The following PRKCB variants were observed in gnomAD, a reference collection of about 807,000 sequenced individuals.
The protein encoded by PRKCB is protein kinase C beta type.
A neutral mutation model predicts 81.5 loss-of-function variants in PRKCB; 13 were observed. The ratio of observed to expected loss-of-function variants is 0.16; its 90% confidence interval spans 0.10 to 0.25. The LOEUF (loss-of-function observed/expected upper bound fraction) is 0.25. Among genes scored for constraint, PRKCB ranks in the 10% least tolerant of loss-of-function variants. The pLI, the probability that PRKCB is intolerant of heterozygous loss-of-function variation, is 1.00. For missense variants in PRKCB, 509 were observed against 875.7 expected, an observed-to-expected ratio of 0.58 and a Z score of 5.29; for synonymous variants, 335 against 321.4, an observed-to-expected ratio of 1.04 and a Z score of -0.45.
intron 2 of PRKCB, among the ~76,000 whole-genome samples, chr16:23,916,475 A>C (rs190139625): frequency 6.6e-6 from 1 of 152,298 alleles, no homozygotes; most frequent in African/African-American, 2.4e-5. Context: ...TCACTGGTTC[A>C]AAATTAAAAA....
intron 5 of PRKCB, among the ~76,000 whole-genome samples, chr16:24,080,601 C>T (rs1424998296): frequency 6.6e-6 from 1 of 151,988 alleles, no homozygotes; most frequent in Non-Finnish European, 1.5e-5. Context: ...AACCAGTGGA[C>T]AGTTGTACAT....
intron 5 of PRKCB, among the ~76,000 whole-genome samples, chr16:24,050,260 T>C (rs1395505440): frequency 2.0e-5 from 3 of 152,104 alleles, no homozygotes; most frequent in Non-Finnish European, 4.4e-5. Context: ...CTCAAACACA[T>C]GATAGGGCCG....
chr16:24,206,899 CA>C (rs1389175713), intron 16 of PRKCB, among the ~76,000 whole-genome samples: 1 of 152,224 alleles, frequency 6.6e-6, no homozygotes, highest in Admixed American at 6.5e-5. Context: ...CACCAAAATA[CA>C]CGTCAAAGCA....
chr16:24,190,237 C>T (rs1967769486), intron 15 of PRKCB, among the ~76,000 whole-genome samples: 1 of 152,170 alleles, frequency 6.6e-6, no homozygotes, highest in Non-Finnish European at 1.5e-5. Context: ...AAAGTAATTA[C>T]TTGAAACTTG....
chr16:23,992,997 C>A (rs1168167189), intron 3 of PRKCB, among the ~76,000 whole-genome samples: 1 of 152,100 alleles, frequency 6.6e-6, no homozygotes, highest in Non-Finnish European at 1.5e-5. Context: ...AGGGAACTAA[C>A]CCTGCATTGC....
intron 2 of PRKCB, among the ~76,000 whole-genome samples, chr16:23,902,686 T>C (rs1336564857): frequency 4.0e-5 from 6 of 151,126 alleles, no homozygotes; most frequent in African/African-American, 1.2e-4. Flanking sequence ...TTGATGATAA[T>C]GCGTTCAGGA....
intron 2 of PRKCB, among the ~76,000 whole-genome samples, chr16:23,933,945 AT>A (rs1964020279): frequency 8.3e-6 from 1 of 120,886 alleles, no homozygotes; most frequent in Admixed American, 9.1e-5. Flanking sequence ...CCATCCATCC[AT>A]CCATCCACCT....
chr16:24,209,802 C>T (rs777837412), intron 16 of PRKCB, among the ~76,000 whole-genome samples: 1 of 152,050 alleles, frequency 6.6e-6, no homozygotes, highest in Non-Finnish European at 1.5e-5. Context: ...CACCAGTGAT[C>T]CTGTTTAAAT....
chr16:24,159,938 T>C (rs542896661), intron 10 of PRKCB, among the ~76,000 whole-genome samples: 1 of 152,188 alleles, frequency 6.6e-6, no homozygotes, highest in South Asian at 2.1e-4. Flanking sequence ...TGAGCCATGA[T>C]TGCATCACTG....
intron 15 of PRKCB, among the ~76,000 whole-genome samples, chr16:24,187,985 G>A (rs983541036): frequency 6.6e-6 from 1 of 152,202 alleles, no homozygotes; most frequent in Non-Finnish European, 1.5e-5. Flanking sequence ...CATGATGTGG[G>A]CACATAGTAG....
At chr16:24,147,300 C>T (rs1367522222) in intron 9 of PRKCB, among the ~76,000 whole-genome samples, 2 of 130,248 alleles carry the variant, frequency 1.5e-5, no homozygotes, top group African/African-American at 3.1e-5. Flanking sequence ...AGAGGAGACT[C>T]TGTCTCAAAA....
chr16:24,044,744 T>C (rs1199113203), intron 5 of PRKCB, among the ~76,000 whole-genome samples: 4 of 152,366 alleles, frequency 2.6e-5, no homozygotes, highest in Middle Eastern at 3.4e-3. Flanking sequence ...TGACAAAGCT[T>C]GTACAATCTG....
intron 5 of PRKCB, among the ~76,000 whole-genome samples, chr16:24,067,583 A>G (rs1966052764): frequency 6.6e-6 from 1 of 152,142 alleles, no homozygotes; most frequent in African/African-American, 2.4e-5. Flanking sequence ...ACAGGCATGC[A>G]TCACCACGCC....
chr16:23,969,676 A>G (rs1285791872), intron 2 of PRKCB, among the ~76,000 whole-genome samples: 1 of 152,162 alleles, frequency 6.6e-6, no homozygotes, highest in East Asian at 1.9e-4. Flanking sequence ...CATCGTCATC[A>G]TCATCATCAT....
At position 23,925,604 on chromosome 16, in the gene PRKCB, A is replaced by G. The variant is rs184508683; in HGVS notation, c.206-62904A>G. ...AGGTCATCCTGTCTCTCTTCCAAAC[A>G]TGAGGACTTCTTAAATTTTTTAAAA... On this transcript the variant is annotated intron_variant, in intron 2 of 16. Transcript: ENST00000643927. Among the ~76,000 whole-genome samples, 25 of 152,184 alleles carry G rather than the reference A, an allele frequency of 1.6e-4. No homozygotes were observed. The East Asian group carries it at 1.9e-3, about 12-fold the overall frequency.
Position 24,215,227 on chromosome 16 carries a change from A to C in PRKCB, c.*411A>C. The C allele has an allele frequency of 1.0e-6, 1 of 1,002,196 alleles. No individual in the cohort carries two copies. The highest frequency in any genetic ancestry group is 1.2e-6 in the Non-Finnish European group (1 of 839,536). 62.1% of individuals were successfully genotyped at this position (1,002,196 alleles called of 1,614,324 possible). On this transcript the variant is annotated 3_prime_UTR_variant, in exon 17 of 17. Transcript: ENST00000643927. ...CTTCCGGGCCTGGAGCTTGGCTTGT[A>C]TCCAAGTGTATGGTTGCTTTGCCTA... is the stretch of plus-strand genomic sequence containing the variant.
intron 3 of PRKCB, among the ~76,000 whole-genome samples, chr16:23,992,383 T>G (rs904417442): frequency 6.6e-6 from 1 of 152,182 alleles, no homozygotes; most frequent in African/African-American, 2.4e-5. Context: ...TTACCCTATT[T>G]CTAGTAGTAA....
At position 24,174,830 on chromosome 16, in the gene PRKCB, T is replaced by C. The variant is rs1182144401; in HGVS notation, c.1394+250T>C. The C allele has an allele frequency of 7.0e-6, 3 of 427,914 alleles. No individual in the cohort carries two copies. The East Asian group carries it at 1.0e-4, about 15-fold the overall frequency. 26.5% of individuals were successfully genotyped at this position (427,914 alleles called of 1,614,324 possible). A position where few individuals can be genotyped will look rare whatever the true frequency, so the allele number is the denominator to read the frequency against. On this transcript the variant is annotated intron_variant, in intron 12 of 16. Transcript: ENST00000643927. ...TGGTTCAGAGCCTCAAACAGGAGAC[T>C]GTTTGCTCTAAGAGGAGACTCACAG... is the stretch of plus-strand genomic sequence containing the variant.
chr16:23,870,111 C>T (rs1962880164), intron 2 of PRKCB, among the ~76,000 whole-genome samples: 1 of 152,008 alleles, frequency 6.6e-6, no homozygotes, highest in Non-Finnish European at 1.5e-5. Flanking sequence ...AATATCGTCT[C>T]TCTATGTTCC....
Sources: allele counts gnomAD v4.1 joint callset (sites outside exome capture counted in the v4.1 genomes callset), GRCh38; gene constraint gnomAD v4.1.1; transcripts MANE v1.5; gene names NCBI Gene and HGNC (gene_info 2026-07-23, HGNC 2026-07-21).